SOX5: variants seen among roughly 807,000 people sequenced by gnomAD.
SOX5 encodes transcription factor SOX-5.
In SOX5, 9 loss-of-function variants were observed where a neutral mutation model predicts 92.0. That is an observed-to-expected ratio of 0.10 (90% CI 0.06 to 0.17). The LOEUF (loss-of-function observed/expected upper bound fraction) is 0.17, where lower values mean the gene tolerates loss of function less well. SOX5 is among the 10% of genes least tolerant of loss of function. The pLI is 1.00. For missense variants in SOX5, 642 were observed against 944.5 expected (o/e 0.68, Z 4.20); for synonymous variants, 344 against 336.3 (o/e 1.02, Z -0.25).
chr12:24,105,905 T>C (rs1405748723), intron 4 of SOX5, among the ~76,000 whole-genome samples: 2 of 152,202 alleles, frequency 1.3e-5, no homozygotes, highest in Non-Finnish European at 2.9e-5. Context: ...CTGACTGTTT[T>C]CACAAGTTAG....
intron 1 of SOX5, among the ~76,000 whole-genome samples, chr12:24,552,779 C>T (rs1953325219): frequency 6.6e-6 from 1 of 152,196 alleles, no homozygotes; most frequent in South Asian, 2.1e-4. Context: ...GCAGGCAGAT[C>T]ACTTCAGCTC....
At chr12:24,112,738 G>A (rs530455568) in intron 4 of SOX5, among the ~76,000 whole-genome samples, 73 of 151,180 alleles carry the variant, frequency 4.8e-4, no homozygotes, top group African/African-American at 1.7e-3. Context: ...GTTTCACCAT[G>A]TTGCCCAGGC....
chr12:24,169,882 C>G (rs1953876403), intron 4 of SOX5, among the ~76,000 whole-genome samples: 1 of 152,190 alleles, frequency 6.6e-6, no homozygotes, highest in Non-Finnish European at 1.5e-5. Flanking sequence ...ACCCCAATCT[C>G]AAGGCTGTCC....
At chr12:24,546,294 A>T (rs1267453601) in intron 1 of SOX5, among the ~76,000 whole-genome samples, 2 of 152,190 alleles carry the variant, frequency 1.3e-5, no homozygotes, top group Admixed American at 6.5e-5. Context: ...TGCTGACTTC[A>T]GGAGCTAGTT....
intron 13 of SOX5, among the ~76,000 whole-genome samples, chr12:23,538,153 C>T (rs566013433): frequency 1.8e-4 from 28 of 152,074 alleles, no homozygotes; most frequent in East Asian, 3.9e-4. Flanking sequence ...CCCGTAACTC[C>T]CTATCTTAAA....
intron 6 of SOX5, among the ~76,000 whole-genome samples, chr12:23,732,259 A>C (rs1482599340): frequency 6.6e-6 from 1 of 152,270 alleles, no homozygotes; most frequent in African/African-American, 2.4e-5. Context: ...TGTGGCGGGA[A>C]AATTAGTCTG....
At chr12:24,219,279 A>G (rs1321344210) in intron 3 of SOX5, among the ~76,000 whole-genome samples, 2 of 152,104 alleles carry the variant, frequency 1.3e-5, no homozygotes, top group Non-Finnish European at 1.5e-5. Context: ...AATTTATTAT[A>G]TATTTCATGA....
chr12:24,315,767 T>C (rs771242884), intron 2 of SOX5, among the ~76,000 whole-genome samples: 1 of 152,212 alleles, frequency 6.6e-6, no homozygotes, highest in Non-Finnish European at 1.5e-5. Context: ...GGGAAAGTAG[T>C]TCAGATAAAA....
intron 4 of SOX5, among the ~76,000 whole-genome samples, chr12:24,104,029 G>C (rs1187504394): frequency 6.6e-6 from 1 of 152,170 alleles, no homozygotes; most frequent in Non-Finnish European, 1.5e-5. Context: ...GGAAAGTTTT[G>C]AGTCTATTTT....
intron 2 of SOX5, among the ~76,000 whole-genome samples, chr12:24,308,624 A>T (rs552874226): frequency 6.6e-6 from 1 of 152,350 alleles, no homozygotes; most frequent in East Asian, 1.9e-4. Flanking sequence ...TCAACTTGGT[A>T]TTCACAACAT....
At chr12:24,376,688 A>AT (rs1957293604) in intron 1 of SOX5, among the ~76,000 whole-genome samples, 1 of 103,076 alleles carries the variant, frequency 9.7e-6, no homozygotes, top group African/African-American at 3.7e-5. Context: ...TGGGAGAGAT[A>AT]CCTTTTTTTT....
chr12:23,563,269 G>T lies in SOX5; in HGVS notation c.1477C>A (p.Arg493=). ...TTTTATGAACTGACCTTTTCTGTTC[G>T]GCAGTTATTGAGACCCAGACTATTC... ...VVNSLGLNNC[R]TEKEKTTLES... The change falls in exon 11 of 15, where the codon CGA becomes AGA. Residue 493 remains arginine, a synonymous_variant. Transcript: ENST00000451604. 6.2e-7 allele frequency: 1 copy of T among 1,611,366 alleles called. No individual in the cohort carries two copies. Among genetic ancestry groups the T allele is most frequent in the South Asian group, 1.1e-5 (1 of 90,734 alleles).
At position 23,563,266 on chromosome 12, in the gene SOX5, T is replaced by C; in HGVS notation, c.1480A>G (p.Thr494Ala). ...TTATTTTATGAACTGACCTTTTCTG[T>C]TCGGCAGTTATTGAGACCCAGACTA... ...VNSLGLNNCR[T>A]EKEKTTLESL... is the part of the protein sequence containing the mutation. The change falls in exon 11 of 15, where the codon ACA (threonine) becomes GCA (alanine). Residue 494 changes from threonine to alanine, a missense_variant. By Grantham distance (58) the Thr-to-Ala change is moderately conservative. This residue lies in a region of SOX5 where 324 missense variants were observed against 461.6 expected (regional missense o/e 0.70). Transcript: ENST00000451604. 2 of 1,612,478 alleles carry C rather than the reference T, an allele frequency of 1.2e-6. No homozygotes were observed. The highest frequency in any genetic ancestry group is 1.7e-6 in the Non-Finnish European group (2 of 1,179,182).
chr12:23,572,416 GA>G (rs1485578993), intron 10 of SOX5, among the ~76,000 whole-genome samples: 1 of 150,992 alleles, frequency 6.6e-6, no homozygotes, highest in Admixed American at 6.7e-5. Context: ...TAAATCCTTG[GA>G]AATTATGAGG....
intron 1 of SOX5, among the ~76,000 whole-genome samples, chr12:24,433,001 T>G (rs1938662134): frequency 6.6e-6 from 1 of 152,206 alleles, no homozygotes; most frequent in South Asian, 2.1e-4. Flanking sequence ...CAGCAGTGAT[T>G]TCTAAATCTA....
chr12:24,491,900 G>T (rs552968054), intron 1 of SOX5, among the ~76,000 whole-genome samples: 2 of 151,984 alleles, frequency 1.3e-5, no homozygotes, highest in South Asian at 2.1e-4. Context: ...TTTTTTTAAG[G>T]TAAACTACGA....
intron 7 of SOX5, among the ~76,000 whole-genome samples, chr12:23,657,561 GT>G (rs1392515582): frequency 6.6e-6 from 1 of 152,182 alleles, no homozygotes; most frequent in East Asian, 1.9e-4. Context: ...GGAGATTTCC[GT>G]TGTATTGTAT....
chr12:23,670,632 C>T (rs1240269536), intron 6 of SOX5, among the ~76,000 whole-genome samples: 1 of 151,922 alleles, frequency 6.6e-6, no homozygotes, highest in Non-Finnish European at 1.5e-5. Context: ...GGCAGATGTG[C>T]TTTATGGGTA....
intron 4 of SOX5, among the ~76,000 whole-genome samples, chr12:24,210,326 AAAGATGGC>A (rs1958469817): frequency 6.6e-6 from 1 of 152,216 alleles, no homozygotes; most frequent in Admixed American, 6.5e-5. Flanking sequence ...AACAGAGGTC[AAAGATGGC>A]AAGTCACCCA....
Sources: allele counts gnomAD v4.1 joint callset (sites outside exome capture counted in the v4.1 genomes callset), GRCh38; gene constraint gnomAD v4.1.1; regional missense constraint gnomAD v4.1.1; transcripts MANE v1.5; gene names NCBI Gene and HGNC (gene_info 2026-07-23, HGNC 2026-07-21).